The following CXCL17 variants were observed in gnomAD, a reference collection of about 807,000 sequenced individuals.
The protein encoded by CXCL17 is C-X-C motif chemokine 17.
Under a neutral mutation model 15.5 loss-of-function variants are expected in CXCL17, and 9 were observed. The ratio of observed to expected loss-of-function variants is 0.58; its 90% CI spans 0.35 to 1.01. CXCL17 has a LOEUF of 1.01. CXCL17 is among the 50% of genes least tolerant of loss of function. CXCL17 has a pLI of 0.02. For missense variants in CXCL17, 133 were observed against 138.2 expected (o/e 0.96, Z 0.19); for synonymous variants, 52 against 52.3 (o/e 0.99, Z 0.02).
chr19:42,439,078 A>G (rs976692220), intron 1 of CXCL17, among the ~76,000 whole-genome samples: 7 of 151,820 alleles, frequency 4.6e-5, no homozygotes, highest in African/African-American at 1.7e-4. Flanking sequence ...ACATGACAAA[A>G]CCCCGTCTCT....
At chr19:42,434,944 C>A (rs1432362407) in intron 1 of CXCL17, among the ~76,000 whole-genome samples, 1 of 152,080 alleles carries the variant, frequency 6.6e-6, no homozygotes, top group African/African-American at 2.4e-5. Context: ...CTTTGGGAGG[C>A]TGAGGCAGGC....
chr19:42,429,542 G>T (rs1261895856), intron 3 of CXCL17, among the ~76,000 whole-genome samples: 2 of 152,056 alleles, frequency 1.3e-5, no homozygotes, highest in African/African-American at 2.4e-5. Flanking sequence ...TGGCCAGGCT[G>T]GTCTTGAACT....
chr19:42,428,400 A>C lies in CXCL17; in HGVS notation c.*484T>G. The C allele has an allele frequency of 6.6e-6, 1 of 151,922 alleles. No individual in the cohort carries two copies. 9.4% of individuals were successfully genotyped at this position (151,922 alleles called of 1,614,324 possible). ...TTTGTCGAATGAGTGAAAGATGAAC[A>C]AGTAGGCCAATGGAGACAGAGTGAG... On this transcript the variant is annotated 3_prime_UTR_variant, in exon 4 of 4. Transcript: ENST00000601181.
intron 3 of CXCL17, among the ~76,000 whole-genome samples, chr19:42,429,514 G>C (rs1261524711): frequency 6.6e-6 from 1 of 151,876 alleles, no homozygotes. Context: ...TTTTAGTAGA[G>C]ATGGGGTTTC....
At chr19:42,432,512 T>C (rs2040793755) in intron 3 of CXCL17, among the ~76,000 whole-genome samples, 1 of 152,162 alleles carries the variant, frequency 6.6e-6, no homozygotes, top group Admixed American at 6.5e-5. Context: ...TGTGTACCTC[T>C]AACCCCAGAT....
At chr19:42,435,885 C>T (rs1365780754) in intron 1 of CXCL17, among the ~76,000 whole-genome samples, 3 of 151,544 alleles carry the variant, frequency 2.0e-5, no homozygotes, top group Non-Finnish European at 4.4e-5. Flanking sequence ...TCTCTTTCCA[C>T]CTCTTGAAGA....
At chr19:42,437,765 A>G (rs1470110275) in intron 1 of CXCL17, among the ~76,000 whole-genome samples, 2 of 152,186 alleles carry the variant, frequency 1.3e-5, no homozygotes, top group Non-Finnish European at 2.9e-5. Flanking sequence ...TCCACTTGTT[A>G]GGATTTGTGG....
chr19:42,435,001 A>G (rs988872185), intron 1 of CXCL17, among the ~76,000 whole-genome samples: 2 of 151,570 alleles, frequency 1.3e-5, no homozygotes, highest in Non-Finnish European at 2.9e-5. Flanking sequence ...AACATGGTGA[A>G]ACCCCGTCTC....
intron 1 of CXCL17, among the ~76,000 whole-genome samples, chr19:42,435,639 G>A (rs1045742501): frequency 5.9e-5 from 9 of 151,988 alleles, no homozygotes; most frequent in Non-Finnish European, 1.3e-4. Context: ...AGACCAGCCT[G>A]GCCAACATAG....
Position 42,428,970 on chromosome 19 carries a change from GC to G in CXCL17, c.273del (p.Arg91SerfsTer22). On this transcript the variant is annotated frameshift_variant, in exon 4 of 4. Transcript: ENST00000601181. LOFTEE classifies it high-confidence loss of function. ...KGNVKKTRHQ[R>X]HHRKPNKHSR... ...GAATGCTTGTTTGGCTTTCTGTGGT[GC>G]CTTTGGTGTCCTAGGGTGCAAATAA... The G allele has an allele frequency of 6.2e-7, 1 of 1,613,790 alleles. No homozygotes were observed. The highest frequency in any genetic ancestry group is 8.5e-7 in the Non-Finnish European group (1 of 1,179,702).
chr19:42,433,131 G>A (rs763877485), intron 2 of CXCL17, 54 bp from the exon 3 acceptor site: 2 of 1,296,166 alleles, frequency 1.5e-6, no homozygotes, highest in Non-Finnish European at 2.2e-6. Context: ...TTGATAGGAG[G>A]GAGTAGGACA....
chr19:42,435,508 C>T (rs1024678879), intron 1 of CXCL17, among the ~76,000 whole-genome samples: 2 of 151,998 alleles, frequency 1.3e-5, no homozygotes, highest in Admixed American at 1.3e-4. Context: ...ATGGTGGGCC[C>T]TACACCAGTC....
chr19:42,439,253 C>CAA (rs58768697), intron 1 of CXCL17, among the ~76,000 whole-genome samples: 6 of 77,486 alleles, frequency 7.7e-5, no homozygotes, highest in East Asian at 3.5e-4. Flanking sequence ...GACTCTATCT[C>CAA]AAAAAAAAAA....
At chr19:42,430,535 A>G (rs574654973) in intron 3 of CXCL17, among the ~76,000 whole-genome samples, 1 of 150,278 alleles carries the variant, frequency 6.7e-6, no homozygotes, top group East Asian at 2.0e-4. Flanking sequence ...CGGAGGTTGC[A>G]GTGAGCCGAG....
At chr19:42,440,126 G>A (rs1014751908) in intron 1 of CXCL17, among the ~76,000 whole-genome samples, 1 of 152,124 alleles carries the variant, frequency 6.6e-6, no homozygotes, top group African/African-American at 2.4e-5. Flanking sequence ...GAGGACAAAT[G>A]AGATAGTAAG....
chr19:42,435,334 T>G (rs542660804), intron 1 of CXCL17, among the ~76,000 whole-genome samples: 16 of 152,310 alleles, frequency 1.1e-4, no homozygotes, highest in African/African-American at 3.9e-4. Context: ...CCCATTGTTG[T>G]TGAATGCAGT....
In CXCL17 at chr19:42,428,661, C is replaced by T. The variant is rs1474989181; in HGVS notation, c.*223G>A. On this transcript the variant is annotated 3_prime_UTR_variant, in exon 4 of 4. Transcript: ENST00000601181. ...AATCTTTCAGGTAATTAAGCCTAAG[C>T]CTGGGTAAGGGGAGGGCACAGGCTA... The T allele has an allele frequency of 2.2e-6, 1 of 445,868 alleles. No homozygotes were observed. 27.6% of individuals were successfully genotyped at this position (445,868 alleles called of 1,614,324 possible).
At chr19:42,429,528 A>G (rs559678322) in intron 3 of CXCL17, among the ~76,000 whole-genome samples, 2 of 152,110 alleles carry the variant, frequency 1.3e-5, no homozygotes, top group East Asian at 1.9e-4. Flanking sequence ...GGGTTTCACC[A>G]TGTTGGCCAG....
chr19:42,438,526 C>T (rs1016568959), intron 1 of CXCL17, among the ~76,000 whole-genome samples: 6 of 150,702 alleles, frequency 4.0e-5, no homozygotes, highest in African/African-American at 1.5e-4. Context: ...CCACTGTTGG[C>T]GGGTAACTGA....
Sources: gnomAD v4.1 joint callset for allele counts (sites outside exome capture counted in the v4.1 genomes callset) on GRCh38, gnomAD v4.1.1 for gene constraint, MANE v1.5 for transcripts, NCBI Gene and HGNC (gene_info 2026-07-23, HGNC 2026-07-21) for gene names.